The following MCC variants were observed in gnomAD, a reference collection of about 807,000 sequenced individuals.
The protein encoded by MCC is MCC regulator of Wnt signaling pathway.
MCC carries 90 observed loss-of-function variants against 116.2 expected under a neutral mutation model. The ratio of observed to expected loss-of-function variants is 0.77; its 90% CI spans 0.65 to 0.92. MCC has a LOEUF of 0.92. Ranked by LOEUF, MCC falls within the 40% of genes least tolerant of loss-of-function variation. The probability of loss-of-function intolerance (pLI) is 0.00; values close to 1 mark genes in which losing one functional copy is unlikely to be tolerated. For synonymous variants in MCC, 578 were observed against 510.5 expected (o/e 1.13, Z -1.78); for missense variants, 1,516 against 1,312.2 (o/e 1.16, Z -2.40).
At chr5:113,041,744 G>C (rs1751718295) in intron 17 of MCC, among the ~76,000 whole-genome samples, 1 of 152,200 alleles carries the variant, frequency 6.6e-6, no homozygotes, top group African/African-American at 2.4e-5. Context: ...CCTGTAATCA[G>C]AGCACACTGT....
intron 11 of MCC, among the ~76,000 whole-genome samples, chr5:113,074,932 T>A (rs1754314456): frequency 6.6e-6 from 1 of 151,270 alleles, no homozygotes; most frequent in Admixed American, 6.6e-5. Context: ...TGGCACCTCG[T>A]CGGCCTCGGT....
intron 3 of MCC, among the ~76,000 whole-genome samples, chr5:113,165,949 C>T (rs189322766): frequency 6.6e-6 from 1 of 151,916 alleles, no homozygotes; most frequent in African/African-American, 2.4e-5. Context: ...CTAAATTTCT[C>T]CTGTGCTTAT....
chr5:113,268,166 C>G (rs572783686), intron 3 of MCC, among the ~76,000 whole-genome samples: 1 of 152,180 alleles, frequency 6.6e-6, no homozygotes, highest in Non-Finnish European at 1.5e-5. Context: ...CTTCCCTATC[C>G]CAACAATCCT....
chr5:113,382,996 A>C (rs1769161888), intron 2 of MCC, among the ~76,000 whole-genome samples: 1 of 152,154 alleles, frequency 6.6e-6, no homozygotes, highest in African/African-American at 2.4e-5. Flanking sequence ...GGTTATATAA[A>C]AGGATGAAAG....
intron 1 of MCC, among the ~76,000 whole-genome samples, chr5:113,452,688 T>C (rs1296130370): frequency 1.3e-5 from 2 of 152,216 alleles, no homozygotes; most frequent in East Asian, 3.8e-4. Flanking sequence ...AGACAATCTA[T>C]TAATGCCACA....
intron 5 of MCC, among the ~76,000 whole-genome samples, chr5:113,142,133 A>AGTAAGAGGATAAATCCATG (rs1554057946): frequency 1.3e-5 from 2 of 152,058 alleles, no homozygotes; most frequent in South Asian, 2.1e-4. Context: ...ACAGATGCCC[A>AGTAAGAGGATAAATCCATG]TTAGTAGCCT....
intron 3 of MCC, among the ~76,000 whole-genome samples, chr5:113,290,909 T>C (rs1766469273): frequency 6.6e-6 from 1 of 152,200 alleles, no homozygotes; most frequent in African/African-American, 2.4e-5. Context: ...GGAACAGCTA[T>C]AGCCAAGAAA....
intron 1 of MCC, among the ~76,000 whole-genome samples, chr5:113,448,529 C>G (rs561287860): frequency 4.6e-5 from 7 of 152,286 alleles, no homozygotes; most frequent in African/African-American, 1.4e-4. Context: ...AGCTGACAAG[C>G]CTTTCTGGCA....
chr5:113,396,506 A>C (rs572704671), intron 1 of MCC, among the ~76,000 whole-genome samples: 8 of 151,326 alleles, frequency 5.3e-5, no homozygotes, highest in Non-Finnish European at 1.2e-4. Flanking sequence ...ATGTGGTGGC[A>C]CACACCTGCA....
At chr5:113,384,407 T>A (rs1769197651) in intron 2 of MCC, among the ~76,000 whole-genome samples, 5 of 152,088 alleles carry the variant, frequency 3.3e-5, no homozygotes, top group Admixed American at 3.3e-4. Flanking sequence ...GCTAATACGG[T>A]GAAACCCCGT....
intron 5 of MCC, among the ~76,000 whole-genome samples, chr5:113,140,148 T>G (rs1207553583): frequency 6.6e-6 from 1 of 152,216 alleles, no homozygotes; most frequent in Admixed American, 6.5e-5. Flanking sequence ...AAGTTGGATT[T>G]TCTACTTATC....
At chr5:113,078,051 C>A (rs1754580099) in intron 11 of MCC, among the ~76,000 whole-genome samples, 1 of 152,204 alleles carries the variant, frequency 6.6e-6, no homozygotes, top group African/African-American at 2.4e-5. Flanking sequence ...ACTAGAAAAT[C>A]TAGAAGAAAC....
chr5:113,028,783 T>TA (rs1325505281), intron 18 of MCC, 151 bp downstream of exon 18: 3 of 837,800 alleles, frequency 3.6e-6, no homozygotes, highest in East Asian at 2.7e-5. Context: ...ACCAGGCTCT[T>TA]AGAGAGCCAG....
At chr5:113,080,366 T>C (rs1408091142) in intron 11 of MCC, among the ~76,000 whole-genome samples, 1 of 152,182 alleles carries the variant, frequency 6.6e-6, no homozygotes, top group African/African-American at 2.4e-5. Context: ...ATGTTTATTA[T>C]GGCACTATTC....
chr5:113,472,568 A>G (rs936072329), intron 1 of MCC, among the ~76,000 whole-genome samples: 1 of 152,250 alleles, frequency 6.6e-6, no homozygotes, highest in African/African-American at 2.4e-5. Context: ...AATAATTAAT[A>G]TTCTTAAATT....
intron 3 of MCC, among the ~76,000 whole-genome samples, chr5:113,198,713 A>AAG (rs1762544635): frequency 6.6e-6 from 1 of 151,596 alleles, no homozygotes; most frequent in Non-Finnish European, 1.5e-5. Flanking sequence ...CCTCAAAAAA[A>AAG]AAAAAAAAAG....
At chr5:113,314,029 G>C (rs913793547) in intron 3 of MCC, among the ~76,000 whole-genome samples, 1 of 152,104 alleles carries the variant, frequency 6.6e-6, no homozygotes, top group Non-Finnish European at 1.5e-5. Flanking sequence ...ATGTTGCCCA[G>C]GTTGGTCTTA....
intron 2 of MCC, among the ~76,000 whole-genome samples, chr5:113,364,429 A>G (rs967944673): frequency 1.4e-4 from 21 of 152,180 alleles, no homozygotes; most frequent in African/African-American, 4.1e-4. Flanking sequence ...CTCTGCCCCT[A>G]CAGCTTTGCA....
At chr5:113,218,905 T>C (rs750276179) in intron 3 of MCC, among the ~76,000 whole-genome samples, 2 of 152,214 alleles carry the variant, frequency 1.3e-5, no homozygotes, top group Admixed American at 6.5e-5. Flanking sequence ...TTTGAAATAA[T>C]GTAGAAGAAT....
Sources: allele counts gnomAD v4.1 joint callset (sites outside exome capture counted in the v4.1 genomes callset), GRCh38; gene constraint gnomAD v4.1.1; transcripts MANE v1.5; gene names NCBI Gene and HGNC (gene_info 2026-07-23, HGNC 2026-07-21).